LRRC4C: variants seen among roughly 807,000 people sequenced by gnomAD.
LRRC4C encodes leucine-rich repeat-containing protein 4C.
LRRC4C carries 5 observed loss-of-function variants against 33.6 expected under a neutral mutation model. The observed-to-expected ratio is 0.15, with a 90% CI of 0.08 to 0.31. The LOEUF (loss-of-function observed/expected upper bound fraction) is 0.31, where lower values mean the gene tolerates loss of function less well. Ranked by LOEUF, LRRC4C falls within the 10% of genes least tolerant of loss-of-function variation. The probability of loss-of-function intolerance (pLI) is 1.00; values close to 1 mark genes in which losing one functional copy is unlikely to be tolerated. For missense variants in LRRC4C, 560 were observed against 796.7 expected (o/e 0.70, Z 3.58); for synonymous variants, 329 against 302.0 (o/e 1.09, Z -0.93).
At chr11:40,915,785 G>A (rs888694103) in intron 2 of LRRC4C, among the ~76,000 whole-genome samples, 1 of 152,030 alleles carries the variant, frequency 6.6e-6, no homozygotes, top group Admixed American at 6.5e-5. Flanking sequence ...GAAAATTTTT[G>A]CAATCTACTC....
chr11:40,715,668 G>A (rs1207419854), intron 2 of LRRC4C, among the ~76,000 whole-genome samples: 1 of 152,158 alleles, frequency 6.6e-6, no homozygotes, highest in East Asian at 1.9e-4. Context: ...ACAGAATATG[G>A]CAAGGAAAAA....
At chr11:40,854,576 G>T (rs541030002) in intron 2 of LRRC4C, among the ~76,000 whole-genome samples, 7 of 151,984 alleles carry the variant, frequency 4.6e-5, no homozygotes, top group African/African-American at 1.7e-4. Context: ...TTAGTTGTTA[G>T]CTATAAGTAG....
chr11:40,628,419 A>G (rs1454005359), intron 3 of LRRC4C, among the ~76,000 whole-genome samples: 2 of 152,052 alleles, frequency 1.3e-5, no homozygotes, highest in African/African-American at 2.4e-5. Context: ...CAGAGCTTGC[A>G]GTGAGCCGAG....
chr11:40,454,154 A>T (rs1952025320), intron 3 of LRRC4C, among the ~76,000 whole-genome samples: 1 of 151,776 alleles, frequency 6.6e-6, no homozygotes, highest in African/African-American at 2.4e-5. Flanking sequence ...ATAATTATAA[A>T]ATGACCACTT....
chr11:40,515,049 G>A (rs1955507738), intron 3 of LRRC4C, among the ~76,000 whole-genome samples: 1 of 152,020 alleles, frequency 6.6e-6, no homozygotes. Flanking sequence ...CAATTTTTAT[G>A]GGGTAAGATC....
intron 1 of LRRC4C, among the ~76,000 whole-genome samples, chr11:41,098,915 A>C (rs1940984344): frequency 1.3e-5 from 2 of 152,010 alleles, no homozygotes; most frequent in Admixed American, 1.3e-4. Flanking sequence ...TTCTGAAAAA[A>C]AATTGATAAG....
At chr11:41,126,729 T>C (rs1942761014) in intron 1 of LRRC4C, among the ~76,000 whole-genome samples, 1 of 151,926 alleles carries the variant, frequency 6.6e-6, no homozygotes, top group South Asian at 2.1e-4. Flanking sequence ...CTTTGAAATG[T>C]GGCTTCTACC....
chr11:40,405,143 T>C (rs1949913496), intron 3 of LRRC4C, among the ~76,000 whole-genome samples: 1 of 148,318 alleles, frequency 6.7e-6, no homozygotes, highest in African/African-American at 2.5e-5. Flanking sequence ...TATTTGAACT[T>C]TTTTTTTTTT....
chr11:41,453,317 C>T (rs1299925227), intron 1 of LRRC4C, among the ~76,000 whole-genome samples: 4 of 151,946 alleles, frequency 2.6e-5, no homozygotes, highest in African/African-American at 9.7e-5. Flanking sequence ...TGCCAAAGAC[C>T]ACAAAAATAT....
At chr11:40,209,682 A>T (rs1328496384) in intron 5 of LRRC4C, among the ~76,000 whole-genome samples, 1 of 152,190 alleles carries the variant, frequency 6.6e-6, no homozygotes, top group Non-Finnish European at 1.5e-5. Context: ...AGCTGGGACT[A>T]CAGGTGTGAC....
At chr11:40,277,404 C>A (rs996926813) in intron 4 of LRRC4C, among the ~76,000 whole-genome samples, 2 of 151,958 alleles carry the variant, frequency 1.3e-5, no homozygotes, top group Admixed American at 6.6e-5. Flanking sequence ...CCTGGCCAAA[C>A]TAGAGGCAAA....
At chr11:40,969,040 A>G (rs953496600) in intron 1 of LRRC4C, among the ~76,000 whole-genome samples, 6 of 152,322 alleles carry the variant, frequency 3.9e-5, no homozygotes, top group African/African-American at 1.4e-4. Flanking sequence ...AGCATTCCAG[A>G]TGCCATTAAG....
At chr11:40,528,121 A>G (rs973507239) in intron 3 of LRRC4C, among the ~76,000 whole-genome samples, 1 of 152,194 alleles carries the variant, frequency 6.6e-6, no homozygotes, top group Non-Finnish European at 1.5e-5. Flanking sequence ...AAAATTTTAA[A>G]AAACTGATTT....
intron 1 of LRRC4C, among the ~76,000 whole-genome samples, chr11:40,989,821 T>C (rs1328044813): frequency 1.3e-5 from 2 of 152,060 alleles, no homozygotes; most frequent in Non-Finnish European, 2.9e-5. Flanking sequence ...CTCCATATCC[T>C]TGCCTTCCCA....
intron 1 of LRRC4C, among the ~76,000 whole-genome samples, chr11:41,149,514 A>G: frequency 6.6e-6 from 1 of 150,480 alleles, no homozygotes; most frequent in Non-Finnish European, 1.5e-5. Flanking sequence ...CGTCTCCAAA[A>G]AAAAAAAAAA....
At chr11:40,147,084 T>G (rs534389433) in intron 5 of LRRC4C, among the ~76,000 whole-genome samples, 1 of 152,290 alleles carries the variant, frequency 6.6e-6, no homozygotes, top group Non-Finnish European at 1.5e-5. Context: ...CCAAAGCAGT[T>G]GGGAATTATA....
intron 1 of LRRC4C, among the ~76,000 whole-genome samples, chr11:41,226,867 C>T (rs1013334154): frequency 1.3e-5 from 2 of 151,918 alleles, no homozygotes; most frequent in African/African-American, 4.8e-5. Context: ...ATTTTAAAAT[C>T]ACCTGTTTTC....
intron 1 of LRRC4C, among the ~76,000 whole-genome samples, chr11:41,163,671 G>A (rs1298882612): frequency 1.3e-5 from 2 of 151,668 alleles, no homozygotes; most frequent in Admixed American, 1.3e-4. Context: ...GAGTGCAATA[G>A]CCTGTTCTTG....
At chr11:40,865,496 G>A (rs1177465961) in intron 2 of LRRC4C, among the ~76,000 whole-genome samples, 1 of 129,724 alleles carries the variant, frequency 7.7e-6, no homozygotes, top group Non-Finnish European at 1.7e-5. Flanking sequence ...GTCAGATTTA[G>A]CCATTCCACA....
Sources: allele counts gnomAD v4.1 joint callset (sites outside exome capture counted in the v4.1 genomes callset), GRCh38; gene constraint gnomAD v4.1.1; transcripts MANE v1.5; gene names NCBI Gene and HGNC (gene_info 2026-07-23, HGNC 2026-07-21).